The following DMD variants were observed in gnomAD, a reference collection of about 807,000 sequenced individuals.
DMD encodes mutant dystrophin.
DMD carries 63 observed loss-of-function variants against 330.1 expected under a neutral mutation model. That is an observed-to-expected ratio of 0.19 (90% CI 0.16 to 0.24). The LOEUF (loss-of-function observed/expected upper bound fraction) is 0.24, where lower values mean the gene tolerates loss of function less well. Among genes scored for constraint, DMD ranks in the 10% least tolerant of loss-of-function variants. DMD has a pLI of 1.00. For synonymous variants in DMD, 1,223 were observed against 959.8 expected, an observed-to-expected ratio of 1.27 and a Z score of -5.07; for missense variants, 3,344 against 2,684.1, an observed-to-expected ratio of 1.25 and a Z score of -5.43.
intron 56 of DMD, among the ~76,000 whole-genome samples, chrX:31,502,302 A>G (rs1469753441): frequency 9.0e-6 from 1 of 111,558 alleles, no homozygotes; most frequent in Non-Finnish European, 1.9e-5. Flanking sequence ...GAGAATCCCA[A>G]AGAGAAGTCA....
chrX:32,357,501 C>A (rs1280482273), intron 37 of DMD, among the ~76,000 whole-genome samples: 2 of 111,242 alleles, frequency 1.8e-5, no homozygotes, highest in African/African-American at 6.6e-5. Context: ...CTGATCTAGA[C>A]TGAAATTTCC....
At chrX:32,507,177 C>G (rs2044715309) in intron 18 of DMD, among the ~76,000 whole-genome samples, 1 of 111,099 alleles carries the variant, frequency 9.0e-6, no homozygotes, top group South Asian at 3.8e-4. Flanking sequence ...GAACTTTATC[C>G]AGAAAACAAT....
At chrX:32,593,602 G>T (rs1316571271) in intron 13 of DMD, among the ~76,000 whole-genome samples, 2 of 110,314 alleles carry the variant, frequency 1.8e-5, no homozygotes, top group Non-Finnish European at 3.8e-5. Flanking sequence ...TCGCAACCAG[G>T]GTAGATAGTG....
intron 44 of DMD, among the ~76,000 whole-genome samples, chrX:32,200,682 T>G (rs1392669459): frequency 6.2e-5 from 7 of 112,016 alleles, no homozygotes; most frequent in Non-Finnish European, 3.8e-5. Flanking sequence ...TATATTTTAT[T>G]TAATCAACTA....
intron 59 of DMD, among the ~76,000 whole-genome samples, chrX:31,446,464 C>A (rs2065273993): frequency 1.0e-5 from 1 of 100,026 alleles, no homozygotes; most frequent in African/African-American, 4.2e-5. Flanking sequence ...CCCCTTCTGA[C>A]CATACACATG....
chrX:32,197,000 A>AAAAAAAAAAAC (rs1557206020), intron 44 of DMD, among the ~76,000 whole-genome samples: 12 of 93,882 alleles, frequency 1.3e-4, no homozygotes, highest in East Asian at 3.4e-4. Context: ...AAAAAAAAAA[A>AAAAAAAAAAAC]AAAAACAAAA....
intron 2 of DMD, among the ~76,000 whole-genome samples, chrX:32,968,670 G>A (rs1162488537): frequency 9.1e-6 from 1 of 110,363 alleles, no homozygotes; most frequent in East Asian, 2.9e-4. Context: ...TGGGTTTGGG[G>A]CTTTTTGGGA....
chrX:32,898,008 A>T (rs932602710), intron 2 of DMD, among the ~76,000 whole-genome samples: 6 of 112,382 alleles, frequency 5.3e-5, no homozygotes, highest in Non-Finnish European at 1.1e-4. Context: ...AAAGCCAAGA[A>T]TAAAATTGCT....
At chrX:31,634,426 CACAGGATGACTTTTTA>C (rs1279409275) in intron 54 of DMD, among the ~76,000 whole-genome samples, 3 of 111,322 alleles carry the variant, frequency 2.7e-5, no homozygotes, top group Non-Finnish European at 5.7e-5. Flanking sequence ...CCCCAGACAC[CACAGGATGACTTTTTA>C]ACATGTGCAG....
At chrX:33,272,498 A>G (rs1285298732) in intron 1 of DMD, among the ~76,000 whole-genome samples, 4 of 111,891 alleles carry the variant, frequency 3.6e-5, no homozygotes, top group Non-Finnish European at 5.6e-5. Context: ...GAAATGGGTT[A>G]CATTATTTGC....
rs183723222 is a variant in DMD, at chrX:33,073,206, G to C, written c.32-53006C>G. On this transcript the variant is annotated intron_variant, in intron 1 of 78. Transcript: ENST00000357033. ...TGTCACAGCTCTAGGTAAGAATATA[G>C]TAAGAAACCCTGAGAGGGACATGTT... Among the ~76,000 whole-genome samples the C allele has an allele frequency of 2.7e-5, 3 of 111,702 alleles. No homozygotes were observed. The East Asian group carries it at 8.5e-4, about 32-fold the overall frequency.
intron 60 of DMD, among the ~76,000 whole-genome samples, chrX:31,388,846 G>C (rs904769675): frequency 1.3e-4 from 15 of 112,268 alleles, no homozygotes; most frequent in African/African-American, 4.2e-4. Flanking sequence ...AGGTTGCAGT[G>C]AGCCAAGATC....
chrX:31,757,920 G>A (rs190239411), intron 51 of DMD, among the ~76,000 whole-genome samples: 15 of 110,565 alleles, frequency 1.4e-4, no homozygotes, highest in Admixed American at 7.8e-4. Context: ...CCCTTTCTTC[G>A]TTTCCTAGCA....
chrX:33,254,116 G>A (rs1445832985), intron 1 of DMD, among the ~76,000 whole-genome samples: 1 of 110,325 alleles, frequency 9.1e-6, no homozygotes, highest in African/African-American at 3.3e-5. Context: ...GAATATCTGA[G>A]AATATGTTCC....
At chrX:33,045,302 A>C (rs1304746846) in intron 1 of DMD, among the ~76,000 whole-genome samples, 1 of 99,569 alleles carries the variant, frequency 1.0e-5, no homozygotes, top group Non-Finnish European at 2.0e-5. Flanking sequence ...AGAACTACAC[A>C]CACACAGGTG....
intron 44 of DMD, among the ~76,000 whole-genome samples, chrX:31,980,383 A>T (rs1488315709): frequency 8.9e-6 from 1 of 112,228 alleles, no homozygotes; most frequent in Non-Finnish European, 1.9e-5. Flanking sequence ...CAGCTGATAC[A>T]CTTACATGGA....
intron 44 of DMD, among the ~76,000 whole-genome samples, chrX:32,179,579 TA>T (rs1195675348): frequency 8.9e-6 from 1 of 112,073 alleles, no homozygotes. Context: ...AGTTAAATGG[TA>T]AAAAGGACGC....
chrX:33,155,877 A>G (rs889076862), intron 1 of DMD, among the ~76,000 whole-genome samples: 1 of 111,353 alleles, frequency 9.0e-6, no homozygotes, highest in African/African-American at 3.3e-5. Context: ...TTCAGTGAGC[A>G]GATCGCGCCA....
intron 7 of DMD, chrX:32,755,025 C>T (rs2748312): frequency 0.39 from 42,580 of 110,233 alleles, 6,340 homozygotes; most frequent in African/African-American, 0.51. Flanking sequence ...CCTTTCCTTA[C>T]GGCCTGAGTT....
Sources: gnomAD v4.1 joint callset for allele counts (sites outside exome capture counted in the v4.1 genomes callset) on GRCh38, gnomAD v4.1.1 for gene constraint, MANE v1.5 for transcripts, NCBI Gene and HGNC (gene_info 2026-07-23, HGNC 2026-07-21) for gene names.